Variants in GRB14 observed in about 807,000 individuals in gnomAD.
GRB14 encodes the protein growth factor receptor-bound protein 14.
In GRB14, 38 loss-of-function variants were observed where a neutral mutation model predicts 69.1. That is an observed-to-expected ratio of 0.55 (90% CI 0.42 to 0.72). The LOEUF (loss-of-function observed/expected upper bound fraction) is 0.72. Ranked by LOEUF, GRB14 falls within the 30% of genes least tolerant of loss-of-function variation. The pLI, the probability that GRB14 is intolerant of heterozygous loss-of-function variation, is 0.00. For missense variants in GRB14, 666 were observed against 666.1 expected (o/e 1.00, Z 0.00); for synonymous variants, 247 against 241.3 (o/e 1.02, Z -0.22).
intron 6 of GRB14, among the ~76,000 whole-genome samples, chr2:164,521,401 A>C (rs1228959588): frequency 1.3e-5 from 2 of 152,068 alleles, no homozygotes; most frequent in Non-Finnish European, 2.9e-5. Context: ...AAGACTATAC[A>C]ATGAGTAGAG....
intron 2 of GRB14, among the ~76,000 whole-genome samples, chr2:164,586,959 T>G (rs568404419): frequency 1.3e-5 from 2 of 152,114 alleles, no homozygotes; most frequent in East Asian, 3.8e-4. Context: ...AAGAAAATAA[T>G]GAAACACATA....
intron 2 of GRB14, among the ~76,000 whole-genome samples, chr2:164,583,405 T>C (rs1005990466): frequency 2.6e-5 from 4 of 152,184 alleles, no homozygotes; most frequent in Non-Finnish European, 4.4e-5. Context: ...AAAGTAAATA[T>C]ACTGCTAATT....
At chr2:164,500,068 T>A (rs1381311603) in intron 9 of GRB14, among the ~76,000 whole-genome samples, 1 of 152,098 alleles carries the variant, frequency 6.6e-6, no homozygotes, top group East Asian at 1.9e-4. Context: ...GGAATTGCAG[T>A]TTAGAATGTC....
At chr2:164,521,404 G>A (rs577916109) in intron 6 of GRB14, among the ~76,000 whole-genome samples, 2 of 152,174 alleles carry the variant, frequency 1.3e-5, no homozygotes. Flanking sequence ...ACTATACAAT[G>A]AGTAGAGTGT....
At chr2:164,551,757 A>G (rs1006511494) in intron 2 of GRB14, among the ~76,000 whole-genome samples, 1 of 152,066 alleles carries the variant, frequency 6.6e-6, no homozygotes, top group African/African-American at 2.4e-5. Flanking sequence ...AGGGTTCATA[A>G]TGCGCCTCTT....
chr2:164,603,955 AAAG>A (rs1201504280), intron 2 of GRB14, among the ~76,000 whole-genome samples: 1 of 152,220 alleles, frequency 6.6e-6, no homozygotes, highest in Non-Finnish European at 1.5e-5. Context: ...GGTAATTCAC[AAAG>A]AAGAAGTAAG....
Position 164,508,847 on chromosome 2 carries a change from C to T in GRB14, c.822G>A (p.Pro274=), listed in dbSNP as rs200051864. 2.9e-5 allele frequency: 46 copies of T among 1,564,144 alleles called. No individual in the cohort carries two copies. The highest frequency in any genetic ancestry group is 2.8e-5 in the Non-Finnish European group (32 of 1,161,632). Residue 274 remains proline, a synonymous_variant, in exon 7 of 14, where the codon CCG becomes CCA. Transcript: ENST00000263915. ...ATTCGCTGAAAAACTGCAAATGCCGCGGTTCCTTAAAAAAAAAAGTATTGA... is the reference window on the plus strand; with the variant it reads ...ATTCGCTGAAAAACTGCAAATGCCGTGGTTCCTTAAAAAAAAAAGTATTGA... ...YFSTKGTSKE[P]RHLQFFSEFG...
At chr2:164,620,560 T>C (rs905369143) in intron 1 of GRB14, among the ~76,000 whole-genome samples, 6 of 152,140 alleles carry the variant, frequency 3.9e-5, no homozygotes, top group South Asian at 2.1e-4. Flanking sequence ...TAAAGGACTA[T>C]AGATTTTTGT....
At position 164,617,969 on chromosome 2, in the gene GRB14, G is replaced by T. The variant is rs941660269; in HGVS notation, c.324+1718C>A. ...CCAGAATCTTTTTTTTGGGGGGGGG[G>T]GGGTAGTGTCAGCGGGGGACAGATT... On this transcript the variant is annotated intron_variant, in intron 2 of 13. Coordinates refer to ENST00000263915, the MANE Select transcript of GRB14 (RefSeq NM_004490.3). Among the ~76,000 whole-genome samples, 8 of 135,806 alleles carry T rather than the reference G, an allele frequency of 5.9e-5. 1 individual carries two copies. Among genetic ancestry groups the T allele is most frequent in the East Asian group, 4.8e-4 (2 of 4,148 alleles). The allele number at this position is 135,806 out of a possible 152,430, so 89.1% of individuals were successfully genotyped here.
At chr2:164,619,966 T>G in intron 1 of GRB14, 147 bp from the exon 2 acceptor site, 1 of 619,184 alleles carries the variant, frequency 1.6e-6, no homozygotes, top group Non-Finnish European at 2.8e-6. Context: ...AGGTCTGTGA[T>G]GTACTTTCTA....
intron 2 of GRB14, among the ~76,000 whole-genome samples, chr2:164,552,350 G>C (rs1330829914): frequency 6.6e-6 from 1 of 152,200 alleles, no homozygotes; most frequent in African/African-American, 2.4e-5. Context: ...GATATGTGGA[G>C]CGAGGGAACT....
At chr2:164,571,578 G>A (rs1306697075) in intron 2 of GRB14, among the ~76,000 whole-genome samples, 2 of 151,920 alleles carry the variant, frequency 1.3e-5, no homozygotes, top group Admixed American at 6.6e-5. Flanking sequence ...ATTTCAATTA[G>A]GAAAAATAAA....
Position 164,621,267 on chromosome 2 carries a change from C to A in GRB14, c.43G>T (p.Ala15Ser). ...GCCAGCGGCGAATCCCGGGCAGCCGCCCTGCTCGCGGCGCTCTGCCCATCT... is the reference window on the plus strand; with the variant it reads ...GCCAGCGGCGAATCCCGGGCAGCCGACCTGCTCGCGGCGCTCTGCCCATCT... Reference protein sequence around the residue: ...LQDGQSAASRAAARDSPLAAQ... With the variant: ...LQDGQSAASRSAARDSPLAAQ... The change falls in exon 1 of 14, where the codon GCG (alanine) becomes TCG (serine). Residue 15 changes from alanine (A) to serine (S), a missense_variant. Ala to Ser is a moderately conservative substitution (Grantham distance 99, BLOSUM62 1). Transcript: ENST00000263915. This position sits in a 1 kb window ranked among gnomAD's most constrained non-coding sequence, Gnocchi z 6.0. 7.8e-7 allele frequency: 1 copy of A among 1,282,734 alleles called. No homozygotes were observed. Among genetic ancestry groups the A allele is most frequent in the East Asian group, 2.9e-5 (1 of 34,784 alleles). 79.5% of individuals were successfully genotyped at this position (1,282,734 alleles called of 1,614,324 possible).
chr2:164,545,997 T>C (rs1440761563), intron 3 of GRB14, among the ~76,000 whole-genome samples: 1 of 152,226 alleles, frequency 6.6e-6, no homozygotes, highest in Non-Finnish European at 1.5e-5. Context: ...ATTTAGGGTC[T>C]ACACTACCAT....
chr2:164,535,861 C>A (rs1688066133), intron 3 of GRB14, among the ~76,000 whole-genome samples: 1 of 152,170 alleles, frequency 6.6e-6, no homozygotes, highest in Non-Finnish European at 1.5e-5. Flanking sequence ...TAAAGCCCTG[C>A]AGTTCATTCT....
chr2:164,527,372 G>T (rs1388706547), intron 3 of GRB14, among the ~76,000 whole-genome samples: 1 of 151,112 alleles, frequency 6.6e-6, no homozygotes, highest in East Asian at 1.9e-4. Flanking sequence ...GCAGACTGTT[G>T]TCTAGAAAGA....
chr2:164,516,249 A>C (rs1019823670), intron 6 of GRB14, among the ~76,000 whole-genome samples: 2 of 152,144 alleles, frequency 1.3e-5, no homozygotes, highest in Admixed American at 1.3e-4. Context: ...ATCATCACCT[A>C]GGGAAATAGT....
intron 2 of GRB14, among the ~76,000 whole-genome samples, chr2:164,553,559 A>G (rs947892301): frequency 6.6e-6 from 1 of 152,254 alleles, no homozygotes; most frequent in African/African-American, 2.4e-5. Flanking sequence ...TATTCCACGC[A>G]GTAAATCTCT....
At chr2:164,513,640 A>G (rs1687398234) in intron 6 of GRB14, among the ~76,000 whole-genome samples, 1 of 152,224 alleles carries the variant, frequency 6.6e-6, no homozygotes, top group South Asian at 2.1e-4. Flanking sequence ...AAAAAAGATG[A>G]GTTTGCAGAT....
Sources: gnomAD v4.1 joint callset for allele counts (sites outside exome capture counted in the v4.1 genomes callset) on GRCh38, gnomAD v4.1.1 for gene constraint, Gnocchi (gnomAD v3.1) non-coding constraint, MANE v1.5 for transcripts, NCBI Gene and HGNC (gene_info 2026-07-23, HGNC 2026-07-21) for gene names.